Variants in KCNIP4 observed in about 807,000 individuals in gnomAD.
The protein encoded by KCNIP4 is Kv channel-interacting protein 4.
Under a neutral mutation model 34.0 loss-of-function variants are expected in KCNIP4, and 12 were observed. The observed-to-expected ratio is 0.35, with a 90% CI of 0.23 to 0.57. The LOEUF (loss-of-function observed/expected upper bound fraction) is 0.57. Ranked by LOEUF, KCNIP4 falls within the 20% of genes least tolerant of loss-of-function variation. KCNIP4 has a pLI of 0.83. For missense variants in KCNIP4, 238 were observed against 311.7 expected, an observed-to-expected ratio of 0.76 and a Z score of 1.78; for synonymous variants, 124 against 102.2, an observed-to-expected ratio of 1.21 and a Z score of -1.29.
At chr4:21,157,061 A>T (rs1397999550) in intron 1 of KCNIP4, among the ~76,000 whole-genome samples, 1 of 152,144 alleles carries the variant, frequency 6.6e-6, no homozygotes, top group Non-Finnish European at 1.5e-5. Context: ...GGATCAGAAC[A>T]TGACCTCTTC....
At chr4:21,105,554 G>A (rs1748439729) in intron 1 of KCNIP4, among the ~76,000 whole-genome samples, 1 of 151,634 alleles carries the variant, frequency 6.6e-6, no homozygotes. Context: ...GGGACAACTT[G>A]ACTTCCTCTT....
chr4:21,059,127 C>T (rs1021699328), intron 1 of KCNIP4, among the ~76,000 whole-genome samples: 3 of 152,114 alleles, frequency 2.0e-5, no homozygotes, highest in African/African-American at 7.2e-5. Flanking sequence ...CCGATTAAAC[C>T]TCTTTTCTTT....
At chr4:21,395,078 C>T (rs181394613) in intron 1 of KCNIP4, among the ~76,000 whole-genome samples, 42 of 152,166 alleles carry the variant, frequency 2.8e-4, no homozygotes, top group African/African-American at 9.6e-4. Flanking sequence ...CCACTCAGAA[C>T]CCCAGAGTTG....
chr4:21,005,582 T>G (rs1027728078), intron 1 of KCNIP4, among the ~76,000 whole-genome samples: 2 of 152,218 alleles, frequency 1.3e-5, no homozygotes, highest in Non-Finnish European at 2.9e-5. Context: ...ACCATTTTTT[T>G]TTCTACATAT....
intron 1 of KCNIP4, among the ~76,000 whole-genome samples, chr4:21,158,647 G>A (rs1185672053): frequency 6.6e-6 from 1 of 152,108 alleles, no homozygotes; most frequent in Non-Finnish European, 1.5e-5. Context: ...TCCTCAGTGT[G>A]ATAAAAAGCA....
intron 3 of KCNIP4, among the ~76,000 whole-genome samples, chr4:20,769,329 T>A (rs1755674726): frequency 6.6e-6 from 1 of 152,198 alleles, no homozygotes. Context: ...TTCCAAATTT[T>A]GTAGGAAAAG....
At chr4:20,921,053 A>C (rs1288124141) in intron 1 of KCNIP4, among the ~76,000 whole-genome samples, 1 of 152,162 alleles carries the variant, frequency 6.6e-6, no homozygotes, top group Non-Finnish European at 1.5e-5. Flanking sequence ...ATTTGAGTCA[A>C]AAAGAACTGG....
chr4:21,903,077 T>A (rs1727796239), intron 1 of KCNIP4, among the ~76,000 whole-genome samples: 1 of 152,162 alleles, frequency 6.6e-6, no homozygotes, highest in Admixed American at 6.6e-5. Flanking sequence ...GTCATTTACA[T>A]CCTACTTTAT....
rs111694812 is a variant in KCNIP4 at position 21,199,908 on chromosome 4, G to A, written c.62-317199C>T. ...CCTTTGCAGGGACATGGATGAAGCT[G>A]GAAACCATCATTCTCAGCAAACTAT... is the stretch of plus-strand genomic sequence containing the variant. On this transcript the variant is annotated intron_variant, in intron 1 of 8. Transcript: ENST00000382152. Among the ~76,000 whole-genome samples, 86 of 152,136 alleles carry A rather than the reference G, an allele frequency of 5.7e-4. 1 individual carries two copies. The highest frequency in any genetic ancestry group is 2.1e-3 in the African/African-American group (86 of 41,498).
chr4:21,399,736 A>G (rs911895665), intron 1 of KCNIP4, among the ~76,000 whole-genome samples: 1 of 151,826 alleles, frequency 6.6e-6, no homozygotes, highest in African/African-American at 2.4e-5. Context: ...GGTTCAACCC[A>G]ACCTCCACCT....
intron 1 of KCNIP4, among the ~76,000 whole-genome samples, chr4:21,128,073 C>T (rs909367068): frequency 6.6e-6 from 1 of 152,170 alleles, no homozygotes; most frequent in Non-Finnish European, 1.5e-5. Flanking sequence ...AAACATTGAC[C>T]TTCAAGTGCT....
At chr4:21,135,287 C>T (rs1387808353) in intron 1 of KCNIP4, among the ~76,000 whole-genome samples, 1 of 152,196 alleles carries the variant, frequency 6.6e-6, no homozygotes, top group Non-Finnish European at 1.5e-5. Flanking sequence ...ATGATATGGA[C>T]TGGTGCTAGG....
chr4:21,237,745 A>G (rs989842911), intron 1 of KCNIP4, among the ~76,000 whole-genome samples: 3 of 152,202 alleles, frequency 2.0e-5, no homozygotes, highest in African/African-American at 7.2e-5. Flanking sequence ...TTAATAGCTT[A>G]CCAACCAAAA....
intron 1 of KCNIP4, among the ~76,000 whole-genome samples, chr4:21,676,682 G>A (rs1749930608): frequency 6.6e-6 from 1 of 152,110 alleles, no homozygotes; most frequent in African/African-American, 2.4e-5. Context: ...TGAGATTTTA[G>A]TCTATCCTGT....
chr4:21,735,622 T>C (rs1160056512), intron 1 of KCNIP4, among the ~76,000 whole-genome samples: 1 of 152,164 alleles, frequency 6.6e-6, no homozygotes, highest in African/African-American at 2.4e-5. Flanking sequence ...TTTTTGTTTT[T>C]GTTTTTGTTT....
rs978053436 is a variant in KCNIP4 at position 21,262,531 on chromosome 4, A to G, written c.62-379822T>C. 5.9e-4 allele frequency among the ~76,000 whole-genome samples: 90 copies of G among 152,216 alleles called. 2 individuals are homozygous for G. The highest frequency in any genetic ancestry group is 5.8e-3 in the Admixed American group (88 of 15,280). On this transcript the variant is annotated intron_variant, in intron 1 of 8. Coordinates refer to ENST00000382152, the MANE Select transcript of KCNIP4 (RefSeq NM_025221.6). The stretch of plus-strand genomic sequence containing the variant: ...GCTTCATGATGGATTTAGCTCTGCA[A>G]TTGAAATGTACTTCCCTTACATCTT...
intron 1 of KCNIP4, among the ~76,000 whole-genome samples, chr4:21,452,409 C>G (rs1046876354): frequency 7.8e-6 from 1 of 127,560 alleles, no homozygotes; most frequent in African/African-American, 3.0e-5. Flanking sequence ...CTGCCATTGG[C>G]ACTGCTCAGT....
intron 1 of KCNIP4, among the ~76,000 whole-genome samples, chr4:21,100,995 T>C (rs531363462): frequency 1.3e-5 from 2 of 152,254 alleles, no homozygotes; most frequent in East Asian, 3.9e-4. Flanking sequence ...ATTGAGGGGG[T>C]ACAAGATTTC....
Position 21,655,087 on chromosome 4 carries a change from C to T in KCNIP4, c.61+293484G>A, listed in dbSNP as rs550861949. Among the ~76,000 whole-genome samples, 29 of 152,164 alleles carry T rather than the reference C, an allele frequency of 1.9e-4. No homozygotes were observed. The South Asian group carries it at 3.9e-3, about 21-fold the overall frequency. The stretch of plus-strand genomic sequence containing the variant: ...GAATATCTGTGCAATGCCAATAAAA[C>T]GAAAGACCCAGGGGCCTAATGTACT... On this transcript the variant is annotated intron_variant, in intron 1 of 8. Transcript: ENST00000382152.
Sources: gnomAD v4.1 joint callset for allele counts (sites outside exome capture counted in the v4.1 genomes callset) on GRCh38, gnomAD v4.1.1 for gene constraint, MANE v1.5 for transcripts, NCBI Gene and HGNC (gene_info 2026-07-23, HGNC 2026-07-21) for gene names.